FSIP1: variants seen among roughly 807,000 people sequenced by gnomAD.
FSIP1 encodes fibrous sheath-interacting protein 1.
A neutral mutation model predicts 60.9 loss-of-function variants in FSIP1; 65 were observed. The ratio of observed to expected loss-of-function variants is 1.07; its 90% CI spans 0.87 to 1.31. The LOEUF (loss-of-function observed/expected upper bound fraction) is 1.31, where lower values mean the gene tolerates loss of function less well. FSIP1 is among the 40% of genes most tolerant of loss of function. The pLI is 0.00. For missense variants in FSIP1, 675 were observed against 665.5 expected (o/e 1.01, Z -0.16); for synonymous variants, 209 against 221.2 (o/e 0.94, Z 0.49).
chr15:39,635,970 A>C (rs1028063497), intron 10 of FSIP1, among the ~76,000 whole-genome samples: 1 of 152,088 alleles, frequency 6.6e-6, no homozygotes, highest in African/African-American at 2.4e-5. Context: ...TCCTCACTGT[A>C]TCTCTTAGGC....
chr15:39,699,985 C>T (rs1020223383), intron 10 of FSIP1, among the ~76,000 whole-genome samples: 2 of 152,238 alleles, frequency 1.3e-5, no homozygotes, highest in African/African-American at 4.8e-5. Flanking sequence ...CTCACTCACT[C>T]ACTACGTGAT....
At chr15:39,633,291 T>C (rs972329898) in intron 10 of FSIP1, among the ~76,000 whole-genome samples, 2 of 151,986 alleles carry the variant, frequency 1.3e-5, no homozygotes, top group African/African-American at 4.8e-5. Flanking sequence ...GGTTTCACCA[T>C]GTTGGCCAGG....
At chr15:39,740,684 G>A (rs1896773286) in intron 6 of FSIP1, among the ~76,000 whole-genome samples, 1 of 152,128 alleles carries the variant, frequency 6.6e-6, no homozygotes, top group Admixed American at 6.5e-5. Context: ...GAGGTTACCT[G>A]AACATAAAGG....
At chr15:39,643,463 C>T (rs902365064) in intron 10 of FSIP1, among the ~76,000 whole-genome samples, 6 of 152,048 alleles carry the variant, frequency 3.9e-5, no homozygotes, top group Admixed American at 6.6e-5. Flanking sequence ...TAGGTTAATG[C>T]GGGCATTACC....
intron 5 of FSIP1, among the ~76,000 whole-genome samples, chr15:39,756,119 A>G (rs1157765666): frequency 2.6e-5 from 4 of 152,206 alleles, no homozygotes; most frequent in Admixed American, 2.6e-4. Flanking sequence ...TGTCTGGATT[A>G]TAAGGTTCAA....
chr15:39,707,408 A>G (rs1279971085), intron 10 of FSIP1, among the ~76,000 whole-genome samples: 1 of 152,078 alleles, frequency 6.6e-6, no homozygotes, highest in African/African-American at 2.4e-5. Flanking sequence ...AGTAGAGAAC[A>G]TTCAAACATG....
intron 9 of FSIP1, among the ~76,000 whole-genome samples, chr15:39,720,512 A>G (rs1215045762): frequency 6.6e-6 from 1 of 152,230 alleles, no homozygotes; most frequent in Non-Finnish European, 1.5e-5. Flanking sequence ...AAAAAAATCT[A>G]ACGGTGAACT....
chr15:39,698,913 G>T (rs1307739652), intron 10 of FSIP1, among the ~76,000 whole-genome samples: 1 of 152,204 alleles, frequency 6.6e-6, no homozygotes, highest in Non-Finnish European at 1.5e-5. Flanking sequence ...ACCAAGGTTG[G>T]TTTATTTTCC....
intron 11 of FSIP1, among the ~76,000 whole-genome samples, chr15:39,606,543 T>A (rs1259733720): frequency 6.6e-6 from 1 of 152,214 alleles, no homozygotes; most frequent in Non-Finnish European, 1.5e-5. Context: ...TGCTATAGAC[T>A]ATTAGAACTT....
At chr15:39,604,027 G>A (rs1890735582) in intron 11 of FSIP1, among the ~76,000 whole-genome samples, 1 of 152,190 alleles carries the variant, frequency 6.6e-6, no homozygotes. Flanking sequence ...CACCTCCCGA[G>A]TTCAAGCGAT....
At chr15:39,697,054 G>T (rs948486648) in intron 10 of FSIP1, among the ~76,000 whole-genome samples, 6 of 151,998 alleles carry the variant, frequency 3.9e-5, no homozygotes, top group African/African-American at 1.4e-4. Flanking sequence ...TTTCTAGAAT[G>T]CCTGAATGCC....
At chr15:39,764,782 T>C (rs762651522) in intron 4 of FSIP1, among the ~76,000 whole-genome samples, 3 of 152,190 alleles carry the variant, frequency 2.0e-5, no homozygotes, top group Non-Finnish European at 4.4e-5. Context: ...CCCAAAGATC[T>C]TGACCAGCAC....
chr15:39,613,174 C>A (rs187237610), intron 11 of FSIP1, among the ~76,000 whole-genome samples: 2 of 151,924 alleles, frequency 1.3e-5, no homozygotes, highest in Non-Finnish European at 2.9e-5. Flanking sequence ...ATTTGTTGTG[C>A]GATTAGAAAG....
intron 5 of FSIP1, among the ~76,000 whole-genome samples, chr15:39,758,401 G>A (rs1042879755): frequency 6.6e-6 from 1 of 151,862 alleles, no homozygotes; most frequent in East Asian, 1.9e-4. Context: ...TTTCAGAAAA[G>A]CCCTACCCAC....
At chr15:39,684,477 C>T (rs942349727) in intron 10 of FSIP1, among the ~76,000 whole-genome samples, 4 of 152,112 alleles carry the variant, frequency 2.6e-5, no homozygotes, top group Non-Finnish European at 5.9e-5. Context: ...GTGAATGACG[C>T]ACCAAGGGAA....
intron 10 of FSIP1, among the ~76,000 whole-genome samples, chr15:39,712,372 G>C (rs973664379): frequency 2.0e-5 from 3 of 152,142 alleles, no homozygotes; most frequent in Non-Finnish European, 2.9e-5. Flanking sequence ...AATGAGAGAA[G>C]GGAGTGACTG....
At chr15:39,638,789 T>G (rs1439910086) in intron 10 of FSIP1, among the ~76,000 whole-genome samples, 1 of 151,762 alleles carries the variant, frequency 6.6e-6, no homozygotes, top group African/African-American at 2.4e-5. Flanking sequence ...TCCTATTTCA[T>G]GCACATGTGG....
intron 10 of FSIP1, among the ~76,000 whole-genome samples, chr15:39,646,073 G>C (rs1314085165): frequency 6.6e-6 from 1 of 152,184 alleles, no homozygotes; most frequent in African/African-American, 2.4e-5. Flanking sequence ...AGCCAGAGCA[G>C]GGCAGAGGAT....
chr15:39,714,377 A>G (rs990615667), intron 9 of FSIP1, among the ~76,000 whole-genome samples: 1 of 151,752 alleles, frequency 6.6e-6, no homozygotes, highest in African/African-American at 2.4e-5. Flanking sequence ...CCTTTCTCAC[A>G]TACATCTGCT....
Sources: gnomAD v4.1 joint callset for allele counts (sites outside exome capture counted in the v4.1 genomes callset) on GRCh38, gnomAD v4.1.1 for gene constraint, MANE v1.5 for transcripts, NCBI Gene and HGNC (gene_info 2026-07-23, HGNC 2026-07-21) for gene names.